The following PROX1 variants were observed in gnomAD, a reference collection of about 807,000 sequenced individuals.
The protein encoded by PROX1 is prospero homeobox 1.
A neutral mutation model predicts 58.8 loss-of-function variants in PROX1; 7 were observed. The ratio of observed to expected loss-of-function variants is 0.12; its 90% confidence interval spans 0.07 to 0.22. The LOEUF (loss-of-function observed/expected upper bound fraction) is 0.22. Ranked by LOEUF, PROX1 falls within the 10% of genes least tolerant of loss-of-function variation. The probability of loss-of-function intolerance (pLI) is 1.00; values close to 1 mark genes in which losing one functional copy is unlikely to be tolerated. For missense variants in PROX1, 675 were observed against 927.8 expected, an observed-to-expected ratio of 0.73 and a Z score of 3.54; for synonymous variants, 350 against 358.3, an observed-to-expected ratio of 0.98 and a Z score of 0.26.
intron 1 of PROX1, among the ~76,000 whole-genome samples, chr1:213,990,201 C>T (rs1662977854): frequency 6.7e-6 from 1 of 149,934 alleles, no homozygotes; most frequent in African/African-American, 2.5e-5. Flanking sequence ...CCTAGGTAGG[C>T]AGAAATCTAT....
chr1:214,017,499 C>T (rs1410165139), intron 4 of PROX1, among the ~76,000 whole-genome samples: 1 of 151,960 alleles, frequency 6.6e-6, no homozygotes, highest in East Asian at 1.9e-4. Flanking sequence ...GGTGAAAAGA[C>T]CATCCTTTTT....
chr1:213,988,606 T>C (rs1009035976), intron 1 of PROX1, 123 bp downstream of exon 1: 2 of 152,194 alleles, frequency 1.3e-5, no homozygotes, highest in African/African-American at 4.8e-5. Context: ...GTAAACATTA[T>C]TCCCCCCAGG....
intron 2 of PROX1, among the ~76,000 whole-genome samples, chr1:214,004,286 C>G (rs1035502806): frequency 1.8e-4 from 27 of 152,310 alleles, no homozygotes; most frequent in Non-Finnish European, 1.3e-4. Context: ...TATGGTTAGC[C>G]TCACATTCTC....
chr1:213,990,915 T>C (rs1292184313), intron 1 of PROX1, among the ~76,000 whole-genome samples: 1 of 152,196 alleles, frequency 6.6e-6, no homozygotes, highest in Non-Finnish European at 1.5e-5. Flanking sequence ...GTCCCAGACA[T>C]GTGCCAAATG....
At chr1:214,011,471 A>G in intron 3 of PROX1, 50 bp from the exon 4 acceptor site, 2 of 1,483,658 alleles carry the variant, frequency 1.3e-6, no homozygotes, top group South Asian at 1.3e-5. Context: ...AAAAAAATAA[A>G]TGAAGAAAAT....
At chr1:213,990,801 CTTT>C (rs956176182) in intron 1 of PROX1, among the ~76,000 whole-genome samples, 1 of 151,764 alleles carries the variant, frequency 6.6e-6, no homozygotes, top group African/African-American at 2.4e-5. Flanking sequence ...TAAAGCTTAT[CTTT>C]TTAAGCATGC....
Position 213,997,097 on chromosome 1 carries a change from G to A in PROX1, c.562G>A (p.Glu188Lys). The change falls in exon 2 of 5, where the codon GAA becomes AAA. Residue 188 changes from glutamate (E) to lysine (K), a missense_variant. Glu to Lys is a moderately conservative substitution (Grantham distance 56, BLOSUM62 1). This residue lies in a region of PROX1 where 403 missense variants were observed against 477.4 expected (regional missense o/e 0.84). Transcript: ENST00000366958. This position sits in a 1 kb window ranked among gnomAD's most constrained non-coding sequence, Gnocchi z 7.1. ...CCCCAGTGTGGCATTAAGGGGCAAT[G>A]AAAATGAAAGAGAGATGGCCCCGCA... ...HSPSVALRGNENEREMAPQSV... is the reference protein window; with the variant it reads ...HSPSVALRGNKNEREMAPQSV... 1 of 1,613,852 alleles carries A rather than the reference G, an allele frequency of 6.2e-7. No homozygotes were observed. The highest frequency in any genetic ancestry group is 8.5e-7 in the Non-Finnish European group (1 of 1,179,930).
chr1:213,996,503 A>G lies in PROX1; in HGVS notation c.-33A>G. 6.3e-7 allele frequency: 1 copy of G among 1,581,352 alleles called. No individual in the cohort carries two copies. Among genetic ancestry groups the G allele is most frequent in the Non-Finnish European group, 8.6e-7 (1 of 1,160,728 alleles). On this transcript the variant is annotated 5_prime_UTR_variant, in exon 2 of 5. Coordinates refer to ENST00000366958, the MANE Select transcript of PROX1 (RefSeq NM_001270616.2). ...ATTCTTGAGCTGTGCCCAGCTGACGAGCTTTTGAAGATGGCACAATAACCG... is the reference window on the plus strand; with the variant it reads ...ATTCTTGAGCTGTGCCCAGCTGACGGGCTTTTGAAGATGGCACAATAACCG...
chr1:213,995,929 G>A (rs890027210), intron 1 of PROX1, among the ~76,000 whole-genome samples: 1 of 152,100 alleles, frequency 6.6e-6, no homozygotes, highest in African/African-American at 2.4e-5. Context: ...CAAAAATATT[G>A]TAAAATTCAA....
chr1:213,984,166 G>A (rs1429840880), upstream of PROX1: 1 of 152,272 alleles, frequency 6.6e-6, no homozygotes, highest in African/African-American at 2.4e-5. Context: ...TCAAGTAGTA[G>A]TGTGTCCCTT....
At chr1:213,994,206 G>A (rs528324125) in intron 1 of PROX1, among the ~76,000 whole-genome samples, 8 of 152,340 alleles carry the variant, frequency 5.3e-5, no homozygotes, top group African/African-American at 1.9e-4. Context: ...CCCACAGCAA[G>A]GATGGCAGGA....
chr1:214,011,624 G>A lies in PROX1; in HGVS notation c.1937G>A (p.Gly646Glu), dbSNP rs1663911327. ...EKYARQAIND[G>E]VTSTEELSIT... is the part of the protein sequence containing the mutation. ...TACGCACGTCAAGCCATCAACGATG[G>A]GGTCACCAGTACTGAAGAGCTGTCT... Residue 646 changes from glycine (G) to glutamate (E), a missense_variant, in exon 4 of 5, where the codon GGG becomes GAG. Gly to Glu is a moderately conservative substitution (Grantham distance 98). Around this residue, in one of 8 missense-constraint regions of PROX1, gnomAD observed 50 missense variants for 79.3 expected, o/e 0.63. Coordinates refer to ENST00000366958, the MANE Select transcript of PROX1 (RefSeq NM_001270616.2). 3.1e-6 allele frequency: 5 copies of A among 1,614,072 alleles called. No individual in the cohort carries two copies. Among genetic ancestry groups the A allele is most frequent in the Non-Finnish European group, 4.2e-6 (5 of 1,179,946 alleles).
At chr1:214,020,840 T>C (rs1272860559) in intron 4 of PROX1, among the ~76,000 whole-genome samples, 1 of 152,232 alleles carries the variant, frequency 6.6e-6, no homozygotes, top group Non-Finnish European at 1.5e-5. Context: ...ATGGAAATCA[T>C]GGTTAGATCA....
intron 4 of PROX1, among the ~76,000 whole-genome samples, chr1:214,035,420 C>T (rs970880766): frequency 5.3e-5 from 8 of 152,276 alleles, no homozygotes; most frequent in East Asian, 3.9e-4. Context: ...AATAGGTCTG[C>T]GTTGGATCTT....
chr1:214,041,098 CT>C lies in PROX1; in HGVS notation c.*5268del, dbSNP rs1252435460. ...GGGGTTTTACTTTGTGTGTTTTAAG[CT>C]TTTGTATACTCTCCAAACTTTTACC... On this transcript the variant is annotated 3_prime_UTR_variant, in exon 5 of 5. Coordinates refer to ENST00000366958, the MANE Select transcript of PROX1 (RefSeq NM_001270616.2). 1.3e-5 allele frequency: 2 copies of C among 151,908 alleles called. No individual in the cohort carries two copies. The highest frequency in any genetic ancestry group is 4.8e-5 in the African/African-American group (2 of 41,346). 9.4% of individuals were successfully genotyped at this position (151,908 alleles called of 1,614,324 possible). A position where few individuals can be genotyped will look rare whatever the true frequency, so the allele number is the denominator to read the frequency against.
chr1:214,029,428 G>A (rs571875293), intron 4 of PROX1: 2 of 152,194 alleles, frequency 1.3e-5, no homozygotes, highest in Admixed American at 1.3e-4. Context: ...AGACTCTTAG[G>A]ATAAACTAAA....
At chr1:214,031,623 G>A (rs1244339729) in intron 4 of PROX1, among the ~76,000 whole-genome samples, 1 of 152,180 alleles carries the variant, frequency 6.6e-6, no homozygotes, top group East Asian at 1.9e-4. Flanking sequence ...CTAGATAAGG[G>A]ATTACTTGTC....
intron 2 of PROX1, among the ~76,000 whole-genome samples, chr1:214,001,648 G>A (rs1358054565): frequency 6.6e-6 from 1 of 152,156 alleles, no homozygotes; most frequent in African/African-American, 2.4e-5. Context: ...AAATGGTTTA[G>A]TAATTTGAAA....
chr1:214,024,638 C>T (rs1287891983), intron 4 of PROX1, among the ~76,000 whole-genome samples: 1 of 152,192 alleles, frequency 6.6e-6, no homozygotes, highest in Non-Finnish European at 1.5e-5. Flanking sequence ...ATTGCTCCAT[C>T]AATAGCAATA....
Sources: allele counts gnomAD v4.1 joint callset (sites outside exome capture counted in the v4.1 genomes callset), GRCh38; gene constraint gnomAD v4.1.1; regional missense constraint gnomAD v4.1.1; non-coding constraint Gnocchi (gnomAD v3.1); transcripts MANE v1.5; gene names NCBI Gene and HGNC (gene_info 2026-07-23, HGNC 2026-07-21).